The following PCCA variants were observed in gnomAD, a reference collection of about 807,000 sequenced individuals.
The protein encoded by PCCA is propionyl-CoA carboxylase subunit alpha.
Under a neutral mutation model 101.3 loss-of-function variants are expected in PCCA, and 74 were observed. The ratio of observed to expected loss-of-function variants is 0.73; its 90% confidence interval spans 0.61 to 0.89. PCCA has a LOEUF of 0.89. Ranked by LOEUF, PCCA falls within the 40% of genes least tolerant of loss-of-function variation. The pLI, the probability that PCCA is intolerant of heterozygous loss-of-function variation, is 0.00. For missense variants in PCCA, 891 were observed against 907.0 expected (o/e 0.98, Z 0.23); for synonymous variants, 294 against 313.6 (o/e 0.94, Z 0.66).
At chr13:100,216,795 T>C (rs2059547247) in intron 7 of PCCA, among the ~76,000 whole-genome samples, 1 of 152,174 alleles carries the variant, frequency 6.6e-6, no homozygotes, top group African/African-American at 2.4e-5. Context: ...AAGGAAAATA[T>C]GGAGAAAATA....
At chr13:100,373,104 AACAATT>A (rs2075678088) in intron 19 of PCCA, among the ~76,000 whole-genome samples, 1 of 152,156 alleles carries the variant, frequency 6.6e-6, no homozygotes. Flanking sequence ...AATAACAAAA[AACAATT>A]AAAAATGGGC....
At chr13:100,160,445 G>A (rs555633519) in intron 6 of PCCA, among the ~76,000 whole-genome samples, 1 of 151,706 alleles carries the variant, frequency 6.6e-6, no homozygotes, top group East Asian at 1.9e-4. Flanking sequence ...GGAGGTTGCA[G>A]TGAGCTGAGA....
chr13:100,426,902 C>A (rs965897199), intron 20 of PCCA, among the ~76,000 whole-genome samples: 1 of 152,060 alleles, frequency 6.6e-6, no homozygotes, highest in Non-Finnish European at 1.5e-5. Flanking sequence ...TTACTTAGAT[C>A]CATGTATTAT....
intron 6 of PCCA, among the ~76,000 whole-genome samples, chr13:100,202,486 G>GTTT (rs1338702389): frequency 7.7e-6 from 1 of 130,326 alleles, no homozygotes; most frequent in African/African-American, 2.8e-5. Flanking sequence ...ACCTATTCCT[G>GTTT]TTTTTTTTTT....
intron 2 of PCCA, among the ~76,000 whole-genome samples, chr13:100,106,304 A>T (rs951923534): frequency 6.6e-6 from 1 of 152,214 alleles, no homozygotes; most frequent in African/African-American, 2.4e-5. Context: ...TGCTTTCATT[A>T]TAACCTCATA....
At chr13:100,387,424 G>C (rs1479336186) in intron 19 of PCCA, among the ~76,000 whole-genome samples, 1 of 152,170 alleles carries the variant, frequency 6.6e-6, no homozygotes, top group African/African-American at 2.4e-5. Flanking sequence ...TTTGCTTAGG[G>C]TTCCAGAGCT....
At chr13:100,456,904 C>G (rs138364921) in intron 21 of PCCA, among the ~76,000 whole-genome samples, 6,348 of 152,122 alleles carry the variant, frequency 0.042, 192 homozygotes, top group Non-Finnish European at 0.063. Flanking sequence ...CCACAAGAAG[C>G]TGGTGGAGCA....
chr13:100,183,796 C>A (rs1303344849), intron 6 of PCCA, among the ~76,000 whole-genome samples: 3 of 152,072 alleles, frequency 2.0e-5, no homozygotes, highest in Admixed American at 1.3e-4. Flanking sequence ...GGGTACTGGG[C>A]TTGAATTTGT....
intron 16 of PCCA, among the ~76,000 whole-genome samples, chr13:100,321,173 T>C (rs962358137): frequency 2.0e-5 from 3 of 152,192 alleles, no homozygotes; most frequent in Non-Finnish European, 4.4e-5. Context: ...TGTCATTTCC[T>C]ATGCAGGTGA....
intron 12 of PCCA, among the ~76,000 whole-genome samples, chr13:100,291,257 G>T (rs918760119): frequency 1.3e-5 from 2 of 152,088 alleles, no homozygotes; most frequent in Non-Finnish European, 2.9e-5. Flanking sequence ...AAGCTGGGAT[G>T]ACAGAGCAAG....
At chr13:100,338,928 T>C (rs2070907029) in intron 17 of PCCA, among the ~76,000 whole-genome samples, 3 of 152,016 alleles carry the variant, frequency 2.0e-5, no homozygotes, top group Admixed American at 2.0e-4. Flanking sequence ...GAGTGATTTT[T>C]TAGACATAAT....
intron 19 of PCCA, among the ~76,000 whole-genome samples, chr13:100,392,312 C>CA (rs1567055907): frequency 6.6e-6 from 1 of 152,168 alleles, no homozygotes; most frequent in African/African-American, 2.4e-5. Flanking sequence ...ATGTTGTCTC[C>CA]AAAAAATACA....
intron 22 of PCCA, among the ~76,000 whole-genome samples, chr13:100,525,642 C>T (rs576809132): frequency 7.9e-5 from 12 of 152,384 alleles, no homozygotes; most frequent in African/African-American, 2.9e-4. Flanking sequence ...CAGGAGCTGC[C>T]TGCCTGTCTG....
At chr13:100,384,931 A>G (rs919144468) in intron 19 of PCCA, among the ~76,000 whole-genome samples, 1 of 152,136 alleles carries the variant, frequency 6.6e-6, no homozygotes, top group East Asian at 1.9e-4. Context: ...TACATGACAA[A>G]TGATAGAAAA....
intron 21 of PCCA, among the ~76,000 whole-genome samples, chr13:100,512,860 C>A (rs1393303754): frequency 6.6e-6 from 1 of 152,230 alleles, no homozygotes; most frequent in South Asian, 2.1e-4. Context: ...CACGGTGAAA[C>A]CGAGCTTGTA....
At chr13:100,379,718 A>C (rs1431827245) in intron 19 of PCCA, among the ~76,000 whole-genome samples, 1 of 151,594 alleles carries the variant, frequency 6.6e-6, no homozygotes, top group Non-Finnish European at 1.5e-5. Context: ...TTGCAGGGGA[A>C]CTCCCCTTTA....
At chr13:100,093,351 G>A (rs576856405) in intron 1 of PCCA, among the ~76,000 whole-genome samples, 118 of 152,250 alleles carry the variant, frequency 7.8e-4, no homozygotes, top group African/African-American at 2.6e-3. Context: ...CCCTAAATTA[G>A]GATTTGGAAG....
Position 100,162,076 on chromosome 13 carries a change from CTGTATG to C in PCCA, c.468+4740_468+4745del, listed in dbSNP as rs567018052. Among the ~76,000 whole-genome samples, 193 of 130,102 alleles carry C rather than the reference CTGTATG, an allele frequency of 1.5e-3. 1 individual carries two copies. The highest frequency in any genetic ancestry group is 1.9e-3 in the Non-Finnish European group (116 of 61,554). The allele number at this position is 130,102 out of a possible 152,430, so 85.4% of individuals were successfully genotyped here. A position where few individuals can be genotyped will look rare whatever the true frequency, so the allele number is the denominator to read the frequency against. On this transcript the variant is annotated intron_variant, in intron 6 of 23. Transcript: ENST00000376285. ...CTGTTACCTTCTGGAGCATGTGTGT[CTGTATG>C]TGTGTGTGTGTGTGTGTGTGTGTGT...
At chr13:100,224,902 G>A (rs1332684424) in intron 7 of PCCA, among the ~76,000 whole-genome samples, 1 of 152,202 alleles carries the variant, frequency 6.6e-6, no homozygotes, top group Non-Finnish European at 1.5e-5. Context: ...ATGAGGGGCT[G>A]CAGTTAGAAA....
Sources: allele counts gnomAD v4.1 joint callset (sites outside exome capture counted in the v4.1 genomes callset), GRCh38; gene constraint gnomAD v4.1.1; transcripts MANE v1.5; gene names NCBI Gene and HGNC (gene_info 2026-07-23, HGNC 2026-07-21).